Variants in EGF observed in about 807,000 individuals in gnomAD.
The protein encoded by EGF is pro-epidermal growth factor.
In EGF, 95 loss-of-function variants were observed where a neutral mutation model predicts 143.8. That is an observed-to-expected ratio of 0.66 (90% confidence interval 0.56 to 0.78). The LOEUF is 0.78. Ranked by LOEUF, EGF falls within the 30% of genes least tolerant of loss-of-function variation. EGF has a pLI of 0.00. For synonymous variants in EGF, 510 were observed against 510.5 expected (o/e 1.00, Z 0.01); for missense variants, 1,320 against 1,470.9 (o/e 0.90, Z 1.68).
chr4:109,928,910 G>C (rs560816172), intron 1 of EGF, among the ~76,000 whole-genome samples: 1 of 152,264 alleles, frequency 6.6e-6, no homozygotes, highest in Admixed American at 6.5e-5. Flanking sequence ...ACTTTGAAAT[G>C]CCCTTGGCTG....
intron 5 of EGF, among the ~76,000 whole-genome samples, chr4:109,946,255 A>G (rs1327872311): frequency 2.0e-5 from 3 of 152,146 alleles, no homozygotes; most frequent in African/African-American, 4.8e-5. Context: ...AATCTGATCC[A>G]TTCACTCCCC....
intron 17 of EGF, 133 bp downstream of exon 17, chr4:109,987,993 A>T (rs948582356): frequency 2.2e-6 from 1 of 448,536 alleles, no homozygotes; most frequent in African/African-American, 2.6e-5. Flanking sequence ...GATGTTAGCT[A>T]AAAAAAAAAA....
chr4:109,960,651 A>G (rs548318350), intron 6 of EGF, among the ~76,000 whole-genome samples: 2 of 152,236 alleles, frequency 1.3e-5, no homozygotes, highest in South Asian at 4.2e-4. Flanking sequence ...TCTCGGGGAA[A>G]ACAAAAGCAT....
At position 109,983,554 on chromosome 4, in the gene EGF, A is replaced by G; in HGVS notation, c.2491+13A>G. On this transcript the variant is annotated intron_variant, in intron 16 of 23. Coordinates refer to ENST00000265171, the MANE Select transcript of EGF (RefSeq NM_001963.6). Reference sequence around the variant, plus strand: ...ATCATGGTGTCAGGTATGAATAACTAGTTCTCCAATATACCTTTGGTTCCA... The same window carrying G: ...ATCATGGTGTCAGGTATGAATAACTGGTTCTCCAATATACCTTTGGTTCCA... 1 of 1,613,432 alleles carries G rather than the reference A, an allele frequency of 6.2e-7. No individual in the cohort carries two copies. The highest frequency in any genetic ancestry group is 8.5e-7 in the Non-Finnish European group (1 of 1,179,614).
In EGF at chr4:109,945,426, A is replaced by G. The variant is rs7661968; in HGVS notation, c.940+151A>G. 3.3e-5 allele frequency: 24 copies of G among 722,668 alleles called. No homozygotes were observed. In the East Asian group the frequency reaches 6.2e-4, roughly 19 times the overall value. The allele number at this position is 722,668 out of a possible 1,614,324, so 44.8% of individuals were successfully genotyped here. On this transcript the variant is annotated intron_variant, in intron 5 of 23. Transcript: ENST00000265171. Reference sequence around the variant, plus strand: ...TCATAATAGACCCCTGTAAGAAAAGACAGATTAACAAGAAAAAAACAAATA... The same window carrying G: ...TCATAATAGACCCCTGTAAGAAAAGGCAGATTAACAAGAAAAAAACAAATA...
chr4:110,004,996 A>ATTTT (rs1312112265), intron 22 of EGF, among the ~76,000 whole-genome samples: 1 of 88,168 alleles, frequency 1.1e-5, no homozygotes, highest in Non-Finnish European at 2.6e-5. Context: ...CTTCTAATTT[A>ATTTT]TTTTCTTTCT....
chr4:109,928,253 C>T (rs780793491), intron 1 of EGF, among the ~76,000 whole-genome samples: 1 of 152,136 alleles, frequency 6.6e-6, no homozygotes, highest in Non-Finnish European at 1.5e-5. Flanking sequence ...AAATAATAAA[C>T]ATCAATCAAT....
At chr4:110,005,437 A>G (rs1753155141) in intron 22 of EGF, among the ~76,000 whole-genome samples, 1 of 152,150 alleles carries the variant, frequency 6.6e-6, no homozygotes, top group South Asian at 2.1e-4. Flanking sequence ...TTTCAGTAGC[A>G]AAATAGTTGC....
intron 4 of EGF, among the ~76,000 whole-genome samples, chr4:109,944,417 C>T (rs946082579): frequency 2.0e-5 from 3 of 152,206 alleles, no homozygotes; most frequent in Admixed American, 6.5e-5. Context: ...CCAGCCTGGG[C>T]GACAGAGCGA....
chr4:109,923,817 C>T (rs575495141), intron 1 of EGF, among the ~76,000 whole-genome samples: 3 of 151,306 alleles, frequency 2.0e-5, no homozygotes, highest in South Asian at 4.1e-4. Context: ...GACAGGATTT[C>T]GCCATGTTGC....
chr4:109,942,013 T>C (rs1229605451), intron 2 of EGF, among the ~76,000 whole-genome samples: 1 of 152,226 alleles, frequency 6.6e-6, no homozygotes, highest in Non-Finnish European at 1.5e-5. Flanking sequence ...AATATTTCTC[T>C]TTCCAGTTAT....
At position 109,974,800 on chromosome 4, in the gene EGF, A is replaced by G. The variant is rs1176777806; in HGVS notation, c.1822A>G (p.Met608Val). 1 of 1,612,342 alleles carries G rather than the reference A, an allele frequency of 6.2e-7. No homozygotes were observed. The highest frequency in any genetic ancestry group is 2.2e-5 in the East Asian group (1 of 44,822). The stretch of plus-strand genomic sequence containing the variant: ...ACCACGAGGAATTGCTGTTCATCCA[A>G]TGGCCAAGTAGGTATTTGTAAAAAT... ...SQPRGIAVHP[M>V]AKRLFWTDTG... The change falls in exon 12 of 24, where the codon ATG (methionine) becomes GTG (valine). Residue 608 changes from methionine to valine, a missense_variant. Coordinates refer to ENST00000265171, the MANE Select transcript of EGF (RefSeq NM_001963.6).
chr4:109,993,425 A>G, intron 19 of EGF, 56 bp downstream of exon 19: 1 of 1,608,140 alleles, frequency 6.2e-7, no homozygotes. Context: ...GGGATATTCT[A>G]TACCCTAATC....
intron 6 of EGF, among the ~76,000 whole-genome samples, chr4:109,960,344 T>C (rs1745486769): frequency 6.6e-6 from 1 of 152,166 alleles, no homozygotes; most frequent in South Asian, 2.1e-4. Context: ...TGAAAATCTG[T>C]ATTTGAAAGT....
At chr4:110,001,117 G>T (rs1240946788) in intron 21 of EGF, among the ~76,000 whole-genome samples, 1 of 152,190 alleles carries the variant, frequency 6.6e-6, no homozygotes, top group Non-Finnish European at 1.5e-5. Flanking sequence ...TCAAATCCAA[G>T]TTAGTGTCTA....
chr4:109,964,892 G>A (rs1307347909), intron 10 of EGF, among the ~76,000 whole-genome samples: 2 of 152,158 alleles, frequency 1.3e-5, no homozygotes, highest in Admixed American at 1.3e-4. Context: ...CTTGCTGGTA[G>A]TGAGAGGAGT....
chr4:109,923,330 G>A (rs1012515020), intron 1 of EGF, among the ~76,000 whole-genome samples: 2 of 151,374 alleles, frequency 1.3e-5, no homozygotes, highest in African/African-American at 4.9e-5. Context: ...TTGTCTATTT[G>A]TCTAGAACAC....
chr4:110,001,044 A>C (rs1752508411), intron 21 of EGF, among the ~76,000 whole-genome samples: 1 of 152,236 alleles, frequency 6.6e-6, no homozygotes, highest in Non-Finnish European at 1.5e-5. Context: ...TACTTATCAG[A>C]GATCCTGCTA....
At chr4:109,985,131 G>A (rs1749947687) in intron 16 of EGF, among the ~76,000 whole-genome samples, 1 of 152,182 alleles carries the variant, frequency 6.6e-6, no homozygotes, top group South Asian at 2.1e-4. Flanking sequence ...GTGGGAATGG[G>A]GGAGTGATTA....
Sources: allele counts gnomAD v4.1 joint callset (sites outside exome capture counted in the v4.1 genomes callset), GRCh38; gene constraint gnomAD v4.1.1; transcripts MANE v1.5; gene names NCBI Gene and HGNC (gene_info 2026-07-23, HGNC 2026-07-21).